Variants in SMARCA4 observed in about 807,000 individuals in gnomAD.
SMARCA4 encodes the protein SWI/SNF related BAF chromatin remodeling complex subunit ATPase 4.
Under a neutral mutation model 193.9 loss-of-function variants are expected in SMARCA4, and 31 were observed. The ratio of observed to expected loss-of-function variants is 0.16; its 90% CI spans 0.12 to 0.22. SMARCA4 has a LOEUF of 0.22. Among genes scored for constraint, SMARCA4 ranks in the 10% least tolerant of loss-of-function variants. SMARCA4 has a pLI of 1.00. For missense variants in SMARCA4, 1,148 were observed against 2,296.0 expected (o/e 0.50, Z 10.22); for synonymous variants, 942 against 933.1 (o/e 1.01, Z -0.17).
In SMARCA4 at chr19:11,039,547, G is replaced by A. The variant is rs1349426835; in HGVS notation, c.4171-1760G>A. On this transcript the variant is annotated intron_variant, in intron 29 of 34. Transcript: ENST00000344626. ...GTGGCCTTCAGTTCTGCACACGTGC[G>A]TCAAAGGTGGGGAGAGTTCTGGTGG... 7.5e-6 allele frequency: 12 copies of A among 1,593,752 alleles called. No individual in the cohort carries two copies. The highest frequency in any genetic ancestry group is 2.3e-5 in the South Asian group (2 of 87,248).
intron 16 of SMARCA4, among the ~76,000 whole-genome samples, chr19:11,016,551 G>T (rs114474629): frequency 1.4e-3 from 207 of 152,298 alleles, no homozygotes; most frequent in African/African-American, 4.8e-3. Context: ...TATTATATCA[G>T]TGTGGGCGTG....
intron 32 of SMARCA4, 98 bp from the exon 33 acceptor site, chr19:11,059,655 A>G: frequency 7.2e-7 from 1 of 1,380,926 alleles, no homozygotes; most frequent in Non-Finnish European, 1.0e-6. Context: ...TCAGCTGTCC[A>G]GGGGCAACAC....
rs1568562724 is a variant in SMARCA4, at chr19:11,058,951, G to A, written c.4635+62G>A. The A allele has an allele frequency of 7.7e-7, 1 of 1,291,718 alleles. No individual in the cohort carries two copies. Among genetic ancestry groups the A allele is most frequent in the Non-Finnish European group, 1.1e-6 (1 of 893,278 alleles). The allele number at this position is 1,291,718 out of a possible 1,614,324, so 80.0% of individuals were successfully genotyped here. ...CCACAGCTGGGCTTTGACCCAACCC[G>A]CCCCTCCTTCCCTTCTGAATTGATG... On this transcript the variant is annotated intron_variant, in intron 32 of 34. Coordinates refer to ENST00000344626, the MANE Select transcript of SMARCA4 (RefSeq NM_003072.5). The surrounding 1 kb of genome is among the most constrained non-coding windows in gnomAD (Gnocchi z 5.8).
intron 1 of SMARCA4, among the ~76,000 whole-genome samples, chr19:10,970,055 T>C (rs1905698925): frequency 6.6e-6 from 1 of 152,130 alleles, no homozygotes; most frequent in Non-Finnish European, 1.5e-5. Context: ...GGTGTGTCTT[T>C]TAAAATTCAT....
rs913608777 is a variant in SMARCA4 at position 10,986,620 on chromosome 19, G to T, written c.760+27G>T. On this transcript the variant is annotated intron_variant, in intron 4 of 34. Coordinates refer to ENST00000344626, the MANE Select transcript of SMARCA4 (RefSeq NM_003072.5). The surrounding 1 kb of genome is among the most constrained non-coding windows in gnomAD (Gnocchi z 6.7). The stretch of plus-strand genomic sequence containing the variant: ...TAAGACTGGCTGCCCTGGCCCTCAG[G>T]TGTCTCAGAGCGAATGGCTGGGGCG... 10 of 1,535,322 alleles carry T rather than the reference G, an allele frequency of 6.5e-6. No homozygotes were observed. The highest frequency in any genetic ancestry group is 5.5e-5 in the African/African-American group (4 of 73,044).
chr19:11,058,139 C>A lies in SMARCA4; in HGVS notation c.4425-116C>A. 1.4e-6 allele frequency: 1 copy of A among 726,464 alleles called. No individual in the cohort carries two copies. Among genetic ancestry groups the A allele is most frequent in the South Asian group, 1.5e-5 (1 of 68,606 alleles). The allele number at this position is 726,464 out of a possible 1,614,324, so 45.0% of individuals were successfully genotyped here. A position where few individuals can be genotyped will look rare whatever the true frequency, so the allele number is the denominator to read the frequency against. ...AAAAAAGCGCATGTGCAAGAAATAGCTCCTGAGCTGAGTTGGAATTTCTCA... is the reference window on the plus strand; with the variant it reads ...AAAAAAGCGCATGTGCAAGAAATAGATCCTGAGCTGAGTTGGAATTTCTCA... On this transcript the variant is annotated intron_variant, in intron 30 of 34. Transcript: ENST00000344626. This position sits in a 1 kb window ranked among gnomAD's most constrained non-coding sequence, Gnocchi z 5.8.
chr19:11,031,405 A>C lies in SMARCA4; in HGVS notation c.3546+512A>C. On this transcript the variant is annotated intron_variant, in intron 25 of 34. Transcript: ENST00000344626. This position sits in a 1 kb window ranked among gnomAD's most constrained non-coding sequence, Gnocchi z 4.3. ...GCTACAAGAATTTGAAAATGAGTTAAACTTTTCTCTGTGTTTCATTATAAG... is the reference window on the plus strand; with the variant it reads ...GCTACAAGAATTTGAAAATGAGTTACACTTTTCTCTGTGTTTCATTATAAG... The C allele has an allele frequency of 5.7e-6, 1 of 175,770 alleles. No homozygotes were observed. Among genetic ancestry groups the C allele is most frequent in the Admixed American group, 5.4e-5 (1 of 18,426 alleles). The allele number at this position is 175,770 out of a possible 1,614,324, so 10.9% of individuals were successfully genotyped here. A position where few individuals can be genotyped will look rare whatever the true frequency, so the allele number is the denominator to read the frequency against.
chr19:11,054,261 C>T (rs915159189), intron 30 of SMARCA4, among the ~76,000 whole-genome samples: 17 of 152,210 alleles, frequency 1.1e-4, no homozygotes, highest in African/African-American at 3.9e-4. Flanking sequence ...TCCTGGTGTC[C>T]AACCCTGAGC....
intron 1 of SMARCA4, among the ~76,000 whole-genome samples, chr19:10,973,573 T>G (rs944554751): frequency 6.8e-6 from 1 of 147,464 alleles, no homozygotes; most frequent in Non-Finnish European, 1.5e-5. Flanking sequence ...GCTAATTTTT[T>G]TTTTTTTTTT....
In SMARCA4 at chr19:11,039,484, C is replaced by T. The variant is rs1600445449; in HGVS notation, c.4171-1823C>T. 1 of 1,603,242 alleles carries T rather than the reference C, an allele frequency of 6.2e-7. No homozygotes were observed. The highest frequency in any genetic ancestry group is 8.5e-7 in the Non-Finnish European group (1 of 1,175,682). On this transcript the variant is annotated intron_variant, in intron 29 of 34. Transcript: ENST00000344626. ...AAATTACAGGAAAAGATATCCATGA[C>T]ACAGCCAGCAGTGTGGCACGTGGGC...
intron 25 of SMARCA4, chr19:11,032,650 G>A (rs1216374252): frequency 1.3e-5 from 2 of 155,774 alleles, no homozygotes; most frequent in Admixed American, 6.0e-5. Context: ...CTGGGCGACA[G>A]AGCGAGACTT....
chr19:10,992,401 T>C (rs973059252), intron 8 of SMARCA4, among the ~76,000 whole-genome samples: 2 of 148,806 alleles, frequency 1.3e-5, no homozygotes, highest in Non-Finnish European at 1.5e-5. Context: ...GCAGGCGTAA[T>C]CCCCCGTGCC....
In SMARCA4 at chr19:11,027,874, C is replaced by T. The variant is rs2146544162; in HGVS notation, c.3306C>T (p.Phe1102=). 2 of 1,614,150 alleles carry T rather than the reference C, an allele frequency of 1.2e-6. No individual in the cohort carries two copies. Among genetic ancestry groups the T allele is most frequent in the Non-Finnish European group, 1.7e-6 (2 of 1,180,016 alleles). The change falls in exon 24 of 35, where the codon TTC becomes TTT. Residue 1102 remains phenylalanine, a synonymous_variant. Coordinates refer to ENST00000344626, the MANE Select transcript of SMARCA4 (RefSeq NM_003072.5). The part of the protein sequence containing the change: ...LRATNHKVLL[F]CQMTSLMTIM... Reference sequence around the variant, plus strand: ...CAACCAACCACAAAGTGCTGCTGTTCTGCCAAATGACCTCCCTCATGACCA... The same window carrying T: ...CAACCAACCACAAAGTGCTGCTGTTTTGCCAAATGACCTCCCTCATGACCA...
At chr19:11,053,647 C>G (rs1300744355) in intron 30 of SMARCA4, among the ~76,000 whole-genome samples, 1 of 152,170 alleles carries the variant, frequency 6.6e-6, no homozygotes, top group Non-Finnish European at 1.5e-5. Context: ...CAGTGACTCA[C>G]ACCTGTAATT....
intron 29 of SMARCA4, among the ~76,000 whole-genome samples, chr19:11,037,510 A>G (rs935327012): frequency 2.0e-5 from 3 of 152,260 alleles, no homozygotes; most frequent in African/African-American, 7.2e-5. Context: ...AAATATATTT[A>G]TCTTAATATT....
intron 30 of SMARCA4, among the ~76,000 whole-genome samples, chr19:11,055,534 G>T (rs922726680): frequency 5.3e-5 from 8 of 151,824 alleles, no homozygotes; most frequent in African/African-American, 1.9e-4. Flanking sequence ...TCATTAGCCT[G>T]ATGGAGGTGG....
chr19:11,006,620 G>A (rs1789825180), intron 13 of SMARCA4, among the ~76,000 whole-genome samples: 1 of 151,880 alleles, frequency 6.6e-6, no homozygotes, highest in South Asian at 2.1e-4. Flanking sequence ...GGGTGATGGT[G>A]GGCTCTAAGA....
intron 30 of SMARCA4, among the ~76,000 whole-genome samples, chr19:11,048,193 A>G (rs1263132184): frequency 6.6e-6 from 1 of 152,138 alleles, no homozygotes; most frequent in Non-Finnish European, 1.5e-5. Context: ...CTCCTTTCCA[A>G]GAAAAGAAAA....
intron 30 of SMARCA4, among the ~76,000 whole-genome samples, chr19:11,055,403 T>G (rs1299396030): frequency 6.6e-6 from 1 of 152,166 alleles, no homozygotes; most frequent in Non-Finnish European, 1.5e-5. Context: ...TTGGCCAGGC[T>G]GGTCTTGAAC....
Sources: gnomAD v4.1 joint callset for allele counts (sites outside exome capture counted in the v4.1 genomes callset) on GRCh38, gnomAD v4.1.1 for gene constraint, Gnocchi (gnomAD v3.1) non-coding constraint, MANE v1.5 for transcripts, NCBI Gene and HGNC (gene_info 2026-07-23, HGNC 2026-07-21) for gene names.